TBL1Y: variants seen among roughly 807,000 people sequenced by gnomAD.
TBL1Y encodes the protein F-box-like/WD repeat-containing protein TBL1Y.
A neutral mutation model predicts 12.0 loss-of-function variants in TBL1Y; 15 were observed. The observed-to-expected ratio is 1.25, with a 90% confidence interval of 0.83 to 1.92. The LOEUF is 1.92. TBL1Y is among the 40% of genes most tolerant of loss of function. TBL1Y has a pLI of 0.00. For synonymous variants in TBL1Y, 53 were observed against 42.6 expected, an observed-to-expected ratio of 1.24 and a Z score of -0.95; for missense variants, 148 against 116.7, an observed-to-expected ratio of 1.27 and a Z score of -1.24.
chrY:6,912,684 A>G (rs2011704684), intron 2 of TBL1Y, among the ~76,000 whole-genome samples: 2 of 32,485 alleles, frequency 6.2e-5, no homozygotes, highest in Non-Finnish European at 1.5e-4. Flanking sequence ...TACAAAAGTT[A>G]GCAGGGATGA....
At chrY:6,958,061 A>G (rs2012080351) in intron 2 of TBL1Y, among the ~76,000 whole-genome samples, 1 of 34,020 alleles carries the variant, frequency 2.9e-5, no homozygotes, top group Non-Finnish European at 7.3e-5. Context: ...TGCAAAGTCT[A>G]AGTGCTCTGT....
At chrY:7,018,565 G>A in intron 4 of TBL1Y, among the ~76,000 whole-genome samples, 4 of 33,118 alleles carry the variant, frequency 1.2e-4, no homozygotes, top group Non-Finnish European at 2.2e-4. Flanking sequence ...TCATGTATTG[G>A]TACAAAGGCA....
chrY:7,061,341 G>A, intron 7 of TBL1Y, among the ~76,000 whole-genome samples: 1 of 31,907 alleles, frequency 3.1e-5, no homozygotes, highest in Non-Finnish European at 7.6e-5. Context: ...CAACAAGGTC[G>A]TGTTGGAATG....
At chrY:6,919,995 G>A (rs769235148) in intron 2 of TBL1Y, 1 of 33,581 alleles carries the variant, frequency 3.0e-5, no homozygotes, top group South Asian at 6.9e-4. Context: ...TGCCCTAGGT[G>A]AATCCCTCCA....
chrY:7,009,205 T>C, intron 4 of TBL1Y, among the ~76,000 whole-genome samples: 1 of 34,141 alleles, frequency 2.9e-5, no homozygotes, highest in Admixed American at 2.6e-4. Context: ...TTGAAAAATA[T>C]TCCTAATCAG....
At chrY:7,072,469 T>C (rs1010317209) in intron 12 of TBL1Y, among the ~76,000 whole-genome samples, 20 of 34,251 alleles carry the variant, frequency 5.8e-4, no homozygotes, top group African/African-American at 2.3e-3. Context: ...AGCCATGTGA[T>C]GTGAGGCCTG....
At chrY:6,969,100 A>T in intron 2 of TBL1Y, among the ~76,000 whole-genome samples, 1 of 33,138 alleles carries the variant, frequency 3.0e-5, no homozygotes, top group African/African-American at 1.2e-4. Context: ...AGAGCTGAAG[A>T]CCAGGATACT....
intron 2 of TBL1Y, chrY:6,919,944 A>G: frequency 3.0e-5 from 1 of 33,686 alleles, no homozygotes; most frequent in Non-Finnish European, 7.3e-5. Context: ...TATTTCTAAC[A>G]TGGCCCAAAG....
At chrY:6,948,344 C>T (rs569711905) in intron 2 of TBL1Y, among the ~76,000 whole-genome samples, 2 of 30,991 alleles carry the variant, frequency 6.5e-5, no homozygotes, top group African/African-American at 2.5e-4. Context: ...AACAACTCAG[C>T]GTACATCAAA....
intron 2 of TBL1Y, chrY:6,920,662 A>G: frequency 8.8e-5 from 3 of 34,101 alleles, no homozygotes; most frequent in Non-Finnish European, 1.5e-4. Context: ...TAAAGGGCTG[A>G]AAGAGTGGCC....
chrY:7,025,200 A>G, intron 6 of TBL1Y, 58 bp downstream of exon 6: 2 of 336,600 alleles, frequency 5.9e-6, no homozygotes, highest in Non-Finnish European at 8.8e-6. Context: ...TACGAGCAGA[A>G]TGATCAACCC....
intron 3 of TBL1Y, among the ~76,000 whole-genome samples, chrY:6,993,265 A>G: frequency 7.5e-5 from 1 of 13,316 alleles, no homozygotes; most frequent in African/African-American, 3.1e-4. Flanking sequence ...TTCTTTTTGT[A>G]GATAGGGAAT....
At chrY:6,971,799 C>T in intron 2 of TBL1Y, among the ~76,000 whole-genome samples, 3 of 33,559 alleles carry the variant, frequency 8.9e-5, no homozygotes, top group Admixed American at 5.4e-4. Context: ...AGTAGAGATG[C>T]GGTTTCGCCA....
intron 4 of TBL1Y, among the ~76,000 whole-genome samples, chrY:6,999,521 C>T: frequency 6.1e-5 from 2 of 32,699 alleles, no homozygotes; most frequent in Non-Finnish European, 1.5e-4. Context: ...TAATTTTTCC[C>T]TGGAGAGTTC....
intron 7 of TBL1Y, among the ~76,000 whole-genome samples, chrY:7,062,767 C>T: frequency 3.0e-5 from 1 of 33,528 alleles, no homozygotes; most frequent in African/African-American, 1.2e-4. Flanking sequence ...CTGGAAATTT[C>T]TTGCCTTTTC....
At chrY:7,072,845 C>T (rs972502323) in intron 12 of TBL1Y, among the ~76,000 whole-genome samples, 9 of 33,931 alleles carry the variant, frequency 2.7e-4, no homozygotes, top group African/African-American at 2.3e-4. Flanking sequence ...TTACTTTCCT[C>T]CTATGTCCAG....
chrY:7,087,375 T>A lies in TBL1Y; in HGVS notation c.1389T>A (p.Asp463Glu). 2.5e-6 allele frequency: 1 copy of A among 393,267 alleles called. No homozygotes were observed. The highest frequency in any genetic ancestry group is 6.6e-5 in the African/African-American group (1 of 15,059). The change falls in exon 17 of 19, where the codon GAT becomes GAA. Residue 463 changes from aspartate (D) to glutamate (E), a missense_variant. By Grantham distance (45) the Asp-to-Glu change is conservative. Coordinates refer to ENST00000383032, the MANE Select transcript of TBL1Y (RefSeq NM_033284.2). ...TCTACAGTGTAGCTTTCAGCCCCGA[T>A]GGAAAGTACTTGGCTAGTGGATCCT... The part of the protein sequence containing the change: ...EPVYSVAFSP[D>E]GKYLASGSFD...
intron 3 of TBL1Y, among the ~76,000 whole-genome samples, chrY:6,985,888 G>GTCTCT (rs2012313517): frequency 3.0e-5 from 1 of 33,104 alleles, no homozygotes; most frequent in Non-Finnish European, 7.4e-5. Flanking sequence ...TCTGAGCAAA[G>GTCTCT]CTTCACTGGG....
At chrY:7,090,803 C>G in intron 18 of TBL1Y, among the ~76,000 whole-genome samples, 1 of 33,696 alleles carries the variant, frequency 3.0e-5, no homozygotes, top group Non-Finnish European at 7.4e-5. Flanking sequence ...ATGGGACTAC[C>G]GTGTTCTGTG....
Sources: allele counts gnomAD v4.1 joint callset (sites outside exome capture counted in the v4.1 genomes callset), GRCh38; gene constraint gnomAD v4.1.1; transcripts MANE v1.5; gene names NCBI Gene and HGNC (gene_info 2026-07-23, HGNC 2026-07-21).